Variants in SCIN observed in about 807,000 individuals in gnomAD.
The protein encoded by SCIN is scinderin.
SCIN carries 91 observed loss-of-function variants against 91.8 expected under a neutral mutation model. The ratio of observed to expected loss-of-function variants is 0.99; its 90% CI spans 0.84 to 1.18. SCIN has a LOEUF of 1.18. SCIN is among the 50% of genes most tolerant of loss of function. SCIN has a pLI of 0.00. For synonymous variants in SCIN, 367 were observed against 312.6 expected (o/e 1.17, Z -1.84); for missense variants, 1,087 against 863.9 (o/e 1.26, Z -3.24).
intron 3 of SCIN, among the ~76,000 whole-genome samples, chr7:12,602,474 G>C (rs771140566): frequency 6.6e-6 from 1 of 152,112 alleles, no homozygotes; most frequent in South Asian, 2.1e-4. Flanking sequence ...AATTTACCAG[G>C]CTGGAATTGC....
rs1783499390 is a variant in SCIN, at chr7:12,625,497, T to A, written c.893-265T>A. ...CAGCCCGCCACCACGCCCAGCTAAT[T>A]TTTTTGTATTTTTTGTGGAGATGGG... On this transcript the variant is annotated intron_variant, in intron 6 of 15. Transcript: ENST00000297029. Among the ~76,000 whole-genome samples the A allele has an allele frequency of 3.4e-5, 5 of 146,170 alleles. 1 individual carries two copies. In the South Asian group the frequency reaches 1.1e-3, roughly 32 times the overall value.
chr7:12,611,849 A>G (rs1307028969), intron 4 of SCIN, among the ~76,000 whole-genome samples: 2 of 152,022 alleles, frequency 1.3e-5, no homozygotes, highest in East Asian at 1.9e-4. Flanking sequence ...GTGTTCAAGG[A>G]TGCTGTGAGC....
chr7:12,625,849 A>G lies in SCIN; in HGVS notation c.980A>G (p.Gln327Arg), dbSNP rs746102126. The change falls in exon 7 of 16, where the codon CAA (glutamine) becomes CGA (arginine). Residue 327 changes from glutamine (Q) to arginine (R), a missense_variant and splice_region_variant. Transcript: ENST00000297029. Reference protein sequence around the residue: ...LQQMNYSKNTQIQVLPEGGET... With the variant: ...LQQMNYSKNTRIQVLPEGGET... ...CAAATGAATTATTCCAAGAATACCC[A>G]AGTATGTGTGAAACTGAACTGGCTA... is the stretch of plus-strand genomic sequence containing the variant. The G allele has an allele frequency of 9.4e-6, 15 of 1,602,002 alleles. No individual in the cohort carries two copies. The South Asian group carries it at 1.3e-4, about 14-fold the overall frequency.
chr7:12,652,018 T>C lies in SCIN; in HGVS notation c.2020+117T>C, dbSNP rs1784089237. Reference sequence around the variant, plus strand: ...TACATTTCAAAATCAAGAAGTAGCTTAGCATTCCTCCTCAAAACTAAAGAG... The same window carrying C: ...TACATTTCAAAATCAAGAAGTAGCTCAGCATTCCTCCTCAAAACTAAAGAG... On this transcript the variant is annotated intron_variant, in intron 15 of 15. Transcript: ENST00000297029. 4.5e-6 allele frequency: 3 copies of C among 661,018 alleles called. No homozygotes were observed. In the South Asian group the frequency reaches 6.2e-5, roughly 14 times the overall value. 40.9% of individuals were successfully genotyped at this position (661,018 alleles called of 1,614,324 possible).
chr7:12,628,351 G>C (rs1242242735), intron 8 of SCIN, among the ~76,000 whole-genome samples: 1 of 152,160 alleles, frequency 6.6e-6, no homozygotes, highest in African/African-American at 2.4e-5. Context: ...GCAGAAACAT[G>C]TATTTCTCAC....
chr7:12,597,000 T>C (rs1011482830), intron 3 of SCIN, among the ~76,000 whole-genome samples: 2 of 152,210 alleles, frequency 1.3e-5, no homozygotes, highest in African/African-American at 4.8e-5. Flanking sequence ...AAGCCTTCAG[T>C]GGCCCTGCAC....
intron 4 of SCIN, among the ~76,000 whole-genome samples, chr7:12,616,765 G>C (rs77911133): frequency 6.6e-6 from 1 of 152,112 alleles, no homozygotes; most frequent in South Asian, 2.1e-4. Flanking sequence ...ACACAGAGGA[G>C]GATCAGAGAA....
chr7:12,638,687 A>G (rs951135393), intron 10 of SCIN, among the ~76,000 whole-genome samples: 3 of 152,206 alleles, frequency 2.0e-5, no homozygotes, highest in Non-Finnish European at 4.4e-5. Context: ...GTGAAGGCTG[A>G]AGTTGGTCTT....
chr7:12,649,882 T>C (rs980842234), intron 14 of SCIN, among the ~76,000 whole-genome samples: 2 of 152,344 alleles, frequency 1.3e-5, no homozygotes, highest in East Asian at 3.9e-4. Context: ...GGGGGTACAA[T>C]GCCATTGAGG....
chr7:12,629,062 G>C (rs758541322), intron 8 of SCIN, 39 bp from the exon 9 acceptor site: 1 of 1,528,318 alleles, frequency 6.5e-7, no homozygotes, highest in South Asian at 1.3e-5. Flanking sequence ...ATTAGATCAA[G>C]AAAATTGTAA....
chr7:12,631,402 A>G (rs1783638838), intron 9 of SCIN, among the ~76,000 whole-genome samples: 1 of 152,110 alleles, frequency 6.6e-6, no homozygotes, highest in African/African-American at 2.4e-5. Flanking sequence ...TTATATACAG[A>G]CCCTCCACCA....
intron 10 of SCIN, among the ~76,000 whole-genome samples, chr7:12,639,820 T>G (rs1218520492): frequency 6.6e-6 from 1 of 152,204 alleles, no homozygotes; most frequent in Non-Finnish European, 1.5e-5. Flanking sequence ...TGTGTAATTT[T>G]TTTATTTTAC....
Position 12,655,162 on chromosome 7 carries a change from A to C in SCIN, c.*2447A>C, listed in dbSNP as rs1389344263. The C allele has an allele frequency of 6.6e-6, 1 of 152,194 alleles. No individual in the cohort carries two copies. Among genetic ancestry groups the C allele is most frequent in the East Asian group, 1.9e-4 (1 of 5,196 alleles). 9.4% of individuals were successfully genotyped at this position (152,194 alleles called of 1,614,324 possible). A position where few individuals can be genotyped will look rare whatever the true frequency, so the allele number is the denominator to read the frequency against. On this transcript the variant is annotated 3_prime_UTR_variant, in exon 16 of 16. Transcript: ENST00000297029. Reference sequence around the variant, plus strand: ...CTGCGTTACTTATAATACCTAATACAGTGTAAACGCTGTGTAAACAGTTGT... The same window carrying C: ...CTGCGTTACTTATAATACCTAATACCGTGTAAACGCTGTGTAAACAGTTGT...
intron 4 of SCIN, among the ~76,000 whole-genome samples, chr7:12,614,536 G>T (rs945794026): frequency 2.6e-5 from 4 of 152,122 alleles, no homozygotes; most frequent in Non-Finnish European, 4.4e-5. Context: ...TTATTTGAAA[G>T]GTGATCCTGA....
intron 6 of SCIN, 46 bp from the exon 7 acceptor site, chr7:12,625,716 C>T: frequency 8.1e-7 from 1 of 1,241,880 alleles, no homozygotes; most frequent in Non-Finnish European, 1.2e-6. Flanking sequence ...CATAGAATGT[C>T]TTCCTTCTCT....
At chr7:12,600,631 C>T (rs1034628204) in intron 3 of SCIN, among the ~76,000 whole-genome samples, 7 of 152,158 alleles carry the variant, frequency 4.6e-5, no homozygotes, top group Admixed American at 1.3e-4. Flanking sequence ...TTGGGCTCAG[C>T]AGAAAAGTCT....
chr7:12,589,545 C>T (rs1431763741), intron 3 of SCIN: 3 of 152,262 alleles, frequency 2.0e-5, no homozygotes, highest in Admixed American at 6.5e-5. Context: ...ATTTATTCGT[C>T]CAGCAGCATC....
At position 12,605,253 on chromosome 7, in the gene SCIN, A is replaced by G. The variant is rs377249692; in HGVS notation, c.666+590A>G. ...TTTTTGGTAGACGCAGGGCTTCACC[A>G]TGTTAGCCAGTGGTCCTGATCCCCT... On this transcript the variant is annotated intron_variant, in intron 4 of 15. Transcript: ENST00000297029. 3.4e-4 allele frequency among the ~76,000 whole-genome samples: 52 copies of G among 152,158 alleles called. No individual in the cohort carries two copies. The South Asian group carries it at 9.3e-3, about 27-fold the overall frequency.
At chr7:12,610,359 C>G (rs1783165984) in intron 4 of SCIN, among the ~76,000 whole-genome samples, 1 of 152,172 alleles carries the variant, frequency 6.6e-6, no homozygotes, top group Admixed American at 6.5e-5. Context: ...TAGAGATGTA[C>G]TCTACAAAGC....
Sources: allele counts gnomAD v4.1 joint callset (sites outside exome capture counted in the v4.1 genomes callset), GRCh38; gene constraint gnomAD v4.1.1; transcripts MANE v1.5; gene names NCBI Gene and HGNC (gene_info 2026-07-23, HGNC 2026-07-21).